Variants in B3GAT2 observed in about 807,000 individuals in gnomAD.
The protein encoded by B3GAT2 is beta-1,3-glucuronyltransferase 2.
In B3GAT2, 26 loss-of-function variants were observed where a neutral mutation model predicts 27.8. The observed-to-expected ratio is 0.93, with a 90% CI of 0.68 to 1.30. The LOEUF (loss-of-function observed/expected upper bound fraction) is 1.30, where lower values mean the gene tolerates loss of function less well. Ranked by LOEUF, B3GAT2 falls within the 50% of genes most tolerant of loss-of-function variation. The pLI, the probability that B3GAT2 is intolerant of heterozygous loss-of-function variation, is 0.00. For synonymous variants in B3GAT2, 218 were observed against 195.1 expected (o/e 1.12, Z -0.98); for missense variants, 458 against 459.0 (o/e 1.00, Z 0.02).
intron 1 of B3GAT2, among the ~76,000 whole-genome samples, chr6:70,929,963 C>G (rs938312876): frequency 8.5e-5 from 13 of 152,106 alleles, no homozygotes; most frequent in African/African-American, 2.7e-4. Flanking sequence ...CTACAGTAAC[C>G]AAATAGCATG....
rs1448253250 is a variant in B3GAT2 at position 70,859,955 on chromosome 6, T to C, written c.*1708A>G. 2.7e-6 allele frequency: 1 copy of C among 367,180 alleles called. No individual in the cohort carries two copies. Among genetic ancestry groups the C allele is most frequent in the African/African-American group, 2.1e-5 (1 of 47,848 alleles). 22.7% of individuals were successfully genotyped at this position (367,180 alleles called of 1,614,324 possible). A position where few individuals can be genotyped will look rare whatever the true frequency, so the allele number is the denominator to read the frequency against. ...TAGCGGACTCATTAAAATCCCAAGATTGCTTTGGTATTTTTTTTTAAGTAA... is the reference window on the plus strand; with the variant it reads ...TAGCGGACTCATTAAAATCCCAAGACTGCTTTGGTATTTTTTTTTAAGTAA... On this transcript the variant is annotated 3_prime_UTR_variant, in exon 4 of 4. Transcript: ENST00000230053.
intron 1 of B3GAT2, among the ~76,000 whole-genome samples, chr6:70,954,919 G>C (rs568228256): frequency 5.9e-4 from 90 of 151,760 alleles, no homozygotes; most frequent in South Asian, 1.9e-3. Context: ...GGGCGGCGGG[G>C]GGGGGCGGTG....
intron 2 of B3GAT2, among the ~76,000 whole-genome samples, chr6:70,864,392 A>C (rs1440092090): frequency 6.6e-6 from 1 of 152,200 alleles, no homozygotes; most frequent in Non-Finnish European, 1.5e-5. Context: ...ATTTATGTAA[A>C]GTTAACAGCC....
Position 70,921,278 on chromosome 6 carries a change from T to C in B3GAT2, c.592-27006A>G, listed in dbSNP as rs2150042208. Among the ~76,000 whole-genome samples the C allele has an allele frequency of 2.0e-5, 3 of 152,362 alleles. No individual in the cohort carries two copies. In the Middle Eastern group the frequency reaches 0.01, roughly 518 times the overall value. ...CATATTTCTCAGTGGTTTTGTTCAC[T>C]CTTTTTAATTATTTGTTCATTATTT... On this transcript the variant is annotated intron_variant, in intron 1 of 3. Coordinates refer to ENST00000230053, the MANE Select transcript of B3GAT2 (RefSeq NM_080742.3).
At chr6:70,902,639 C>CAT (rs1562224021) in intron 1 of B3GAT2, among the ~76,000 whole-genome samples, 1 of 131,230 alleles carries the variant, frequency 7.6e-6, no homozygotes. Context: ...TATATATATA[C>CAT]ACACACACAC....
At position 70,888,493 on chromosome 6, in the gene B3GAT2, AG is replaced by A. The variant is rs111850234; in HGVS notation, c.736+5634del. On this transcript the variant is annotated intron_variant, in intron 2 of 3. Coordinates refer to ENST00000230053, the MANE Select transcript of B3GAT2 (RefSeq NM_080742.3). ...CTGAAAAGGCTGTTAAAATTTTATA[AG>A]TCCCCAATAGCTGTGGTATTTAAGA... Among the ~76,000 whole-genome samples, 611 of 152,274 alleles carry A rather than the reference AG, an allele frequency of 4.0e-3. 3 individuals carry two copies. Among genetic ancestry groups the A allele is most frequent in the African/African-American group, 0.014 (574 of 41,552 alleles).
chr6:70,956,265 G>A lies in B3GAT2; in HGVS notation c.165C>T (p.Arg55=), dbSNP rs763443623. The change falls in exon 1 of 4, where the codon CGC becomes CGT. Residue 55 remains arginine, a synonymous_variant. Coordinates refer to ENST00000230053, the MANE Select transcript of B3GAT2 (RefSeq NM_080742.3). ...VGRGGARLPL[R]RGGPAHGTQK... ...GGGTCCCGTGAGCCGGGCCGCCCCTGCGGAGCGGGAGTCGGGCGCCCCCGC... is the reference window on the plus strand; with the variant it reads ...GGGTCCCGTGAGCCGGGCCGCCCCTACGGAGCGGGAGTCGGGCGCCCCCGC... 56 of 1,610,386 alleles carry A rather than the reference G, an allele frequency of 3.5e-5. No individual in the cohort carries two copies. Among genetic ancestry groups the A allele is most frequent in the Non-Finnish European group, 4.6e-5 (54 of 1,178,222 alleles).
intron 1 of B3GAT2, among the ~76,000 whole-genome samples, chr6:70,925,766 G>A (rs1339578614): frequency 3.9e-5 from 6 of 152,198 alleles, no homozygotes; most frequent in Admixed American, 3.3e-4. Flanking sequence ...AGACTTAAAC[G>A]TCCCTGTCTG....
At chr6:70,869,000 C>T (rs990202300) in intron 2 of B3GAT2, among the ~76,000 whole-genome samples, 3 of 152,116 alleles carry the variant, frequency 2.0e-5, no homozygotes, top group East Asian at 3.9e-4. Context: ...TGATTAAGGG[C>T]GGTTTTAGCA....
chr6:70,894,103 A>G (rs1772336900), intron 2 of B3GAT2, 25 bp downstream of exon 2: 2 of 1,586,560 alleles, frequency 1.3e-6, no homozygotes, highest in African/African-American at 2.7e-5. Flanking sequence ...CAGCAGGAAC[A>G]AATGTCATCA....
intron 2 of B3GAT2, among the ~76,000 whole-genome samples, chr6:70,871,528 A>G (rs920663090): frequency 2.6e-5 from 4 of 151,862 alleles, no homozygotes; most frequent in Non-Finnish European, 5.9e-5. Flanking sequence ...TTGCAATACA[A>G]TTTTTTAAAG....
intron 1 of B3GAT2, among the ~76,000 whole-genome samples, chr6:70,953,059 T>C (rs1185979021): frequency 1.3e-5 from 2 of 152,224 alleles, no homozygotes; most frequent in African/African-American, 4.8e-5. Flanking sequence ...CCATGGAAAT[T>C]AGAAGCACCA....
In B3GAT2 at chr6:70,858,474, C is replaced by T. The variant is rs1477675119; in HGVS notation, c.*3189G>A. ...AAAAAAGGTTAAACATCTTTCATTT[C>T]AAATTGTAATGTAACTGTAACGTGA... On this transcript the variant is annotated 3_prime_UTR_variant, in exon 4 of 4. Transcript: ENST00000230053. 1 of 352,844 alleles carries T rather than the reference C, an allele frequency of 2.8e-6. No homozygotes were observed. The highest frequency in any genetic ancestry group is 5.0e-6 in the Non-Finnish European group (1 of 198,024). 21.9% of individuals were successfully genotyped at this position (352,844 alleles called of 1,614,324 possible).
chr6:70,911,613 G>C (rs1380336591), intron 1 of B3GAT2, among the ~76,000 whole-genome samples: 6 of 152,110 alleles, frequency 3.9e-5, no homozygotes, highest in African/African-American at 1.4e-4. Flanking sequence ...GCTCAGGATT[G>C]ATTTGGCTAT....
Position 70,860,318 on chromosome 6 carries a change from C to G in B3GAT2, c.*1345G>C. On this transcript the variant is annotated 3_prime_UTR_variant, in exon 4 of 4. Coordinates refer to ENST00000230053, the MANE Select transcript of B3GAT2 (RefSeq NM_080742.3). ...AGCTCATCAGGTCAGACTCTCAGCA[C>G]ACAACTGTGGAAATGAAAACTGCAA... 6.2e-7 allele frequency: 1 copy of G among 1,609,772 alleles called. No homozygotes were observed. The highest frequency in any genetic ancestry group is 8.5e-7 in the Non-Finnish European group (1 of 1,178,858).
At chr6:70,868,126 T>C (rs906962095) in intron 2 of B3GAT2, among the ~76,000 whole-genome samples, 9 of 152,110 alleles carry the variant, frequency 5.9e-5, no homozygotes, top group African/African-American at 2.2e-4. Context: ...AATAAAAGCC[T>C]CTCAGCAAAC....
chr6:70,859,655 T>TA lies in B3GAT2; in HGVS notation c.*2007_*2008insT. ...TTAAGATGCTTATATATATATATAT[T>TA]TGACTCCAGTCTTGAAGAAAAATAC... On this transcript the variant is annotated 3_prime_UTR_variant, in exon 4 of 4. Coordinates refer to ENST00000230053, the MANE Select transcript of B3GAT2 (RefSeq NM_080742.3). 1.2e-5 allele frequency: 3 copies of TA among 254,236 alleles called. No homozygotes were observed. Among genetic ancestry groups the TA allele is most frequent in the Non-Finnish European group, 1.5e-5 (2 of 134,906 alleles). 15.7% of individuals were successfully genotyped at this position (254,236 alleles called of 1,614,324 possible). A position where few individuals can be genotyped will look rare whatever the true frequency, so the allele number is the denominator to read the frequency against.
At chr6:70,953,343 A>G (rs955101358) in intron 1 of B3GAT2, among the ~76,000 whole-genome samples, 2 of 152,242 alleles carry the variant, frequency 1.3e-5, no homozygotes, top group African/African-American at 4.8e-5. Context: ...TCTCACAAAT[A>G]AACCTACGGA....
chr6:70,945,698 T>C (rs1288573836), intron 1 of B3GAT2, among the ~76,000 whole-genome samples: 7 of 146,302 alleles, frequency 4.8e-5, no homozygotes, highest in African/African-American at 1.5e-4. Context: ...CAGGCCAACA[T>C]TCAGATTCAG....
Sources: gnomAD v4.1 joint callset for allele counts (sites outside exome capture counted in the v4.1 genomes callset) on GRCh38, gnomAD v4.1.1 for gene constraint, MANE v1.5 for transcripts, NCBI Gene and HGNC (gene_info 2026-07-23, HGNC 2026-07-21) for gene names.